PTK2: variants seen among roughly 807,000 people sequenced by gnomAD.
The protein encoded by PTK2 is focal adhesion kinase 1.
A neutral mutation model predicts 150.1 loss-of-function variants in PTK2; 45 were observed. The ratio of observed to expected loss-of-function variants is 0.30; its 90% CI spans 0.24 to 0.38. PTK2 has a LOEUF of 0.38. Ranked by LOEUF, PTK2 falls within the 10% of genes least tolerant of loss-of-function variation. The pLI, the probability that PTK2 is intolerant of heterozygous loss-of-function variation, is 1.00. For synonymous variants in PTK2, 432 were observed against 449.2 expected, an observed-to-expected ratio of 0.96 and a Z score of 0.48; for missense variants, 919 against 1,307.3, an observed-to-expected ratio of 0.70 and a Z score of 4.58.
chr8:140,858,963 T>C (rs1000096480), intron 5 of PTK2, among the ~76,000 whole-genome samples: 7 of 152,208 alleles, frequency 4.6e-5, no homozygotes, highest in African/African-American at 1.7e-4. Flanking sequence ...GGATGATCAC[T>C]TTTCCATTTA....
intron 20 of PTK2, among the ~76,000 whole-genome samples, chr8:140,742,020 C>A (rs1455174245): frequency 1.3e-5 from 2 of 152,166 alleles, no homozygotes; most frequent in Non-Finnish European, 2.9e-5. Flanking sequence ...CCCGTAGTAC[C>A]AGCAATTTGG....
intron 4 of PTK2, among the ~76,000 whole-genome samples, chr8:140,867,544 A>C (rs2100140060): frequency 6.6e-6 from 1 of 152,226 alleles, no homozygotes; most frequent in South Asian, 2.1e-4. Flanking sequence ...AGATCATGTT[A>C]AGAATTTTGG....
At chr8:140,972,243 T>C (rs2100187573) in intron 1 of PTK2, among the ~76,000 whole-genome samples, 1 of 152,152 alleles carries the variant, frequency 6.6e-6, no homozygotes, top group Non-Finnish European at 1.5e-5. Context: ...TGCTCAATTG[T>C]TTTTATTATT....
At chr8:140,879,501 T>A (rs748770277) in exon 4 of PTK2, 11 of 1,613,482 alleles carry the variant, frequency 6.8e-6, no homozygotes, top group Non-Finnish European at 8.5e-6. Flanking sequence ...AGCAAGCTCA[T>A]ACTTCTCCCT....
chr8:140,679,493 A>C (rs2100015880), intron 27 of PTK2, among the ~76,000 whole-genome samples: 1 of 152,176 alleles, frequency 6.6e-6, no homozygotes, highest in South Asian at 2.1e-4. Context: ...AGAAAAGGAG[A>C]GACTCTGCTT....
At chr8:140,983,373 T>TC (rs2100192160) in intron 1 of PTK2, among the ~76,000 whole-genome samples, 1 of 89,920 alleles carries the variant, frequency 1.1e-5, no homozygotes, top group East Asian at 3.3e-4. Context: ...AGAGTAAGAC[T>TC]CCATCTCAAA....
chr8:140,736,302 G>GT (rs1196371067), intron 21 of PTK2, among the ~76,000 whole-genome samples: 1 of 152,174 alleles, frequency 6.6e-6, no homozygotes, highest in Non-Finnish European at 1.5e-5. Context: ...GTTCTCACTT[G>GT]TAAGTGGGAT....
chr8:140,758,296 C>G (rs1191710019), intron 16 of PTK2, among the ~76,000 whole-genome samples: 1 of 152,098 alleles, frequency 6.6e-6, no homozygotes, highest in African/African-American at 2.4e-5. Context: ...ACTAAGTTGC[C>G]CAGGCTGGTA....
chr8:140,759,530 TA>T (rs761643170), intron 16 of PTK2, among the ~76,000 whole-genome samples: 104 of 58,074 alleles, frequency 1.8e-3, no homozygotes, highest in African/African-American at 3.9e-3. Context: ...GACCCTGTCC[TA>T]AAAAAAAAAA....
intron 26 of PTK2, 99 bp downstream of exon 29, chr8:140,700,792 C>T (rs751216287): frequency 1.0e-4 from 153 of 1,459,454 alleles, no homozygotes; most frequent in Admixed American, 3.0e-4. Flanking sequence ...GTAAAACTAA[C>T]TCTCCTGCTT....
chr8:140,683,070 T>C (rs1429153270), intron 27 of PTK2, among the ~76,000 whole-genome samples: 1 of 152,012 alleles, frequency 6.6e-6, no homozygotes, highest in Non-Finnish European at 1.5e-5. Context: ...AGAAATTGGT[T>C]ATTTGAAAGA....
chr8:140,816,329 T>A (rs1304668758), intron 10 of PTK2, among the ~76,000 whole-genome samples: 1 of 152,138 alleles, frequency 6.6e-6, no homozygotes, highest in Non-Finnish European at 1.5e-5. Context: ...ATAAAAGAAG[T>A]CCTGAAACAC....
chr8:140,856,653 G>A (rs1403827692), intron 5 of PTK2, among the ~76,000 whole-genome samples: 1 of 152,216 alleles, frequency 6.6e-6, no homozygotes, highest in Non-Finnish European at 1.5e-5. Flanking sequence ...GGAAGGGTCA[G>A]TGGGAAACTT....
chr8:140,773,296 G>A (rs1018076567), intron 14 of PTK2, among the ~76,000 whole-genome samples: 5 of 152,190 alleles, frequency 3.3e-5, no homozygotes, highest in Admixed American at 1.3e-4. Flanking sequence ...TACCATGTAG[G>A]TGCTGGAGTT....
chr8:140,984,795 T>G (rs777318904), intron 1 of PTK2, among the ~76,000 whole-genome samples: 18 of 152,088 alleles, frequency 1.2e-4, no homozygotes, highest in Non-Finnish European at 1.6e-4. Flanking sequence ...CAGCTCAACT[T>G]ACTGACTTAT....
At chr8:140,758,273 G>C (rs1442629139) in intron 16 of PTK2, among the ~76,000 whole-genome samples, 1 of 152,104 alleles carries the variant, frequency 6.6e-6, no homozygotes, top group Admixed American at 6.6e-5. Flanking sequence ...AATTTTGTTT[G>C]AGACAGGGTC....
intron 23 of PTK2, among the ~76,000 whole-genome samples, chr8:140,708,532 G>T (rs2100035062): frequency 1.3e-5 from 2 of 152,162 alleles, no homozygotes; most frequent in Non-Finnish European, 1.5e-5. Flanking sequence ...ATTATGAGCT[G>T]TTAAATTCCT....
chr8:140,731,306 A>G (rs540053513), intron 22 of PTK2, among the ~76,000 whole-genome samples: 1 of 152,250 alleles, frequency 6.6e-6, no homozygotes, highest in Admixed American at 6.5e-5. Context: ...TTATAACCTG[A>G]CAGTCATAAA....
chr8:140,940,688 T>C (rs2100175399), intron 1 of PTK2: 1 of 152,106 alleles, frequency 6.6e-6, no homozygotes, highest in South Asian at 2.1e-4. Context: ...TTTTTTAATA[T>C]GAACATGGCC....
Sources: allele counts gnomAD v4.1 joint callset (sites outside exome capture counted in the v4.1 genomes callset), GRCh38; gene constraint gnomAD v4.1.1; transcripts MANE v1.5; gene names NCBI Gene and HGNC (gene_info 2026-07-23, HGNC 2026-07-21).